The following VPS13B variants were observed in gnomAD, a reference collection of about 807,000 sequenced individuals.
VPS13B encodes vacuolar protein sorting 13 homolog B.
Under a neutral mutation model 426.4 loss-of-function variants are expected in VPS13B, and 285 were observed. That is an observed-to-expected ratio of 0.67 (90% CI 0.61 to 0.74). VPS13B has a LOEUF of 0.74. Among genes scored for constraint, VPS13B ranks in the 30% least tolerant of loss-of-function variants. The pLI is 0.00. For synonymous variants in VPS13B, 1,676 were observed against 1,676.4 expected, an observed-to-expected ratio of 1.00 and a Z score of 0.01; for missense variants, 4,537 against 4,782.6, an observed-to-expected ratio of 0.95 and a Z score of 1.51.
chr8:99,760,411 A>G (rs930761278), intron 39 of VPS13B, among the ~76,000 whole-genome samples: 2 of 152,206 alleles, frequency 1.3e-5, no homozygotes, highest in African/African-American at 4.8e-5. Flanking sequence ...GCCTAAAAAC[A>G]ATACAGGTTT....
chr8:99,746,704 T>G (rs1178811967), intron 39 of VPS13B, among the ~76,000 whole-genome samples: 1 of 152,082 alleles, frequency 6.6e-6, no homozygotes, highest in African/African-American at 2.4e-5. Context: ...TTATGAAAAA[T>G]TAACCTGGAA....
intron 19 of VPS13B, among the ~76,000 whole-genome samples, chr8:99,319,382 G>C (rs957462615): frequency 2.0e-5 from 3 of 152,066 alleles, no homozygotes; most frequent in Non-Finnish European, 4.4e-5. Flanking sequence ...GAGCTTTCTG[G>C]GTCTATTAAA....
At chr8:99,575,275 T>G (rs1242059193) in intron 31 of VPS13B, among the ~76,000 whole-genome samples, 2 of 152,026 alleles carry the variant, frequency 1.3e-5, no homozygotes, top group Admixed American at 1.3e-4. Context: ...AGTTATCAAA[T>G]AGAAGGTCAG....
chr8:99,257,530 C>T (rs1271553726), intron 17 of VPS13B, among the ~76,000 whole-genome samples: 1 of 151,178 alleles, frequency 6.6e-6, no homozygotes, highest in Non-Finnish European at 1.5e-5. Flanking sequence ...CCAACTCCTT[C>T]CAAACAGACG....
chr8:99,427,732 A>G (rs933337907), intron 21 of VPS13B, among the ~76,000 whole-genome samples: 2 of 151,160 alleles, frequency 1.3e-5, no homozygotes, highest in African/African-American at 4.9e-5. Context: ...TATAGATTCA[A>G]TGCCATCCCC....
At position 99,356,901 on chromosome 8, in the gene VPS13B, C is replaced by G. The variant is rs16897307; in HGVS notation, c.2825-27307C>G. ...ACTTCCTTTCCTATGTCATAATCAT[C>G]CAATTTCCTTTGTATTTATCCTTTA... On this transcript the variant is annotated intron_variant, in intron 19 of 61. Coordinates refer to ENST00000357162, the MANE Select transcript of VPS13B (RefSeq NM_152564.5). Among the ~76,000 whole-genome samples the G allele has an allele frequency of 5.0e-3, 762 of 152,208 alleles. 25 individuals carry two copies. In the East Asian group the frequency reaches 0.075, roughly 15 times the overall value.
chr8:99,132,011 C>T (rs1809829986), intron 8 of VPS13B, among the ~76,000 whole-genome samples: 1 of 152,118 alleles, frequency 6.6e-6, no homozygotes, highest in African/African-American at 2.4e-5. Flanking sequence ...ATTCTTGCAC[C>T]TCTGCCTCCT....
chr8:99,872,857 A>G (rs1817497044), intron 61 of VPS13B, among the ~76,000 whole-genome samples: 1 of 152,218 alleles, frequency 6.6e-6, no homozygotes, highest in South Asian at 2.1e-4. Flanking sequence ...TTATCTGAGA[A>G]GATGGAAAGC....
At chr8:99,177,511 T>C (rs183651513) in intron 16 of VPS13B, among the ~76,000 whole-genome samples, 166 of 152,302 alleles carry the variant, frequency 1.1e-3, no homozygotes, top group Middle Eastern at 3.4e-3. Flanking sequence ...TTCCCTTTAA[T>C]TTTTTTAGAA....
At chr8:99,498,026 T>A (rs563092867) in intron 25 of VPS13B, among the ~76,000 whole-genome samples, 2 of 152,246 alleles carry the variant, frequency 1.3e-5, no homozygotes, top group East Asian at 3.9e-4. Context: ...TGTTTAGCCA[T>A]CACATACCAT....
rs183482483 is a variant in VPS13B, at chr8:99,749,740, C to A, written c.7051-17034C>A. Among the ~76,000 whole-genome samples, 443 of 152,094 alleles carry A rather than the reference C, an allele frequency of 2.9e-3. 6 individuals are homozygous for A. The highest frequency in any genetic ancestry group is 6.3e-4 in the Non-Finnish European group (43 of 67,950). On this transcript the variant is annotated intron_variant, in intron 39 of 61. Coordinates refer to ENST00000357162, the MANE Select transcript of VPS13B (RefSeq NM_152564.5). ...ATCTTTTAAATATATGATTTCCTTT[C>A]TTTTTGTTATATACCTAGCAGTAGC...
rs1823487217 is a variant in VPS13B, at chr8:99,540,033, A to G, written c.4746-16417A>G. ...ATAAATTATATATATATATATATAT[A>G]TATATATATATATATATATATATAT... On this transcript the variant is annotated intron_variant, in intron 30 of 61. Coordinates refer to ENST00000357162, the MANE Select transcript of VPS13B (RefSeq NM_152564.5). Among the ~76,000 whole-genome samples the G allele has an allele frequency of 1.4e-3, 3 of 2,104 alleles. No homozygotes were observed. In the East Asian group the frequency reaches 0.038, roughly 27 times the overall value. The allele number at this position is 2,104 out of a possible 152,430, so 1.4% of individuals were successfully genotyped here. A position where few individuals can be genotyped will look rare whatever the true frequency, so the allele number is the denominator to read the frequency against.
At chr8:99,014,974 A>T (rs1841537251) in intron 2 of VPS13B, among the ~76,000 whole-genome samples, 1 of 152,040 alleles carries the variant, frequency 6.6e-6, no homozygotes, top group African/African-American at 2.4e-5. Flanking sequence ...TCAGAGACCA[A>T]CTGCTTTTTA....
intron 17 of VPS13B, among the ~76,000 whole-genome samples, chr8:99,249,488 G>A (rs1052770241): frequency 6.7e-6 from 1 of 148,682 alleles, no homozygotes; most frequent in Non-Finnish European, 1.5e-5. Context: ...GTACAGTGGC[G>A]CGGTCTCGGC....
At chr8:99,208,946 T>C (rs1814901560) in intron 17 of VPS13B, among the ~76,000 whole-genome samples, 1 of 152,146 alleles carries the variant, frequency 6.6e-6, no homozygotes, top group Non-Finnish European at 1.5e-5. Context: ...GAATGAGAAG[T>C]TGGGTTCTAG....
chr8:99,123,533 T>C (rs1311083589), intron 8 of VPS13B, among the ~76,000 whole-genome samples: 1 of 152,196 alleles, frequency 6.6e-6, no homozygotes, highest in Non-Finnish European at 1.5e-5. Context: ...AGAAGAATTA[T>C]ATGATCTGGG....
At chr8:99,255,899 A>G (rs906352273) in intron 17 of VPS13B, among the ~76,000 whole-genome samples, 1 of 152,132 alleles carries the variant, frequency 6.6e-6, no homozygotes, top group Non-Finnish European at 1.5e-5. Context: ...CCTTCTCTTT[A>G]GCCTAGTCTT....
chr8:99,437,351 T>A (rs1323411895), intron 22 of VPS13B, among the ~76,000 whole-genome samples: 2 of 152,002 alleles, frequency 1.3e-5, no homozygotes, highest in Admixed American at 6.6e-5. Flanking sequence ...CCATACTTAA[T>A]TATAATGGAT....
chr8:99,854,334 C>G, intron 56 of VPS13B, 78 bp downstream of exon 56: 1 of 1,504,998 alleles, frequency 6.6e-7, no homozygotes, highest in Non-Finnish European at 9.0e-7. Flanking sequence ...CACCTCATTT[C>G]AAGACCTAAA....
Sources: allele counts gnomAD v4.1 joint callset (sites outside exome capture counted in the v4.1 genomes callset), GRCh38; gene constraint gnomAD v4.1.1; transcripts MANE v1.5; gene names NCBI Gene and HGNC (gene_info 2026-07-23, HGNC 2026-07-21).